Variants in INPP4A observed in about 807,000 individuals in gnomAD.
The protein encoded by INPP4A is inositol polyphosphate-4-phosphatase, type I, 107kD.
INPP4A carries 33 observed loss-of-function variants against 119.8 expected under a neutral mutation model. The ratio of observed to expected loss-of-function variants is 0.28; its 90% CI spans 0.21 to 0.37. The LOEUF (loss-of-function observed/expected upper bound fraction) is 0.37. INPP4A is among the 10% of genes least tolerant of loss of function. The pLI is 1.00. For synonymous variants in INPP4A, 496 were observed against 500.7 expected (o/e 0.99, Z 0.12); for missense variants, 956 against 1,289.9 (o/e 0.74, Z 3.97).
At chr2:98,586,974 G>C (rs926740448) in intron 24 of INPP4A, among the ~76,000 whole-genome samples, 1 of 152,228 alleles carries the variant, frequency 6.6e-6, no homozygotes, top group African/African-American at 2.4e-5. Context: ...TTCCTAGCCA[G>C]CTGGCTTTGC....
chr2:98,481,251 G>C (rs984513531), intron 1 of INPP4A, among the ~76,000 whole-genome samples: 2 of 152,204 alleles, frequency 1.3e-5, no homozygotes, highest in African/African-American at 4.8e-5. Flanking sequence ...AGGCCAGGAA[G>C]TGAACAGGAG....
In INPP4A at chr2:98,590,168, C is replaced by A; in HGVS notation, c.*2560C>A. 4.9e-6 allele frequency: 1 copy of A among 202,062 alleles called. No individual in the cohort carries two copies. Among genetic ancestry groups the A allele is most frequent in the Non-Finnish European group, 1.0e-5 (1 of 98,266 alleles). The allele number at this position is 202,062 out of a possible 1,614,324, so 12.5% of individuals were successfully genotyped here. A position where few individuals can be genotyped will look rare whatever the true frequency, so the allele number is the denominator to read the frequency against. Reference sequence around the variant, plus strand: ...GACAAGATATTAAATGTGGTCTTGCCTGATTCATCCTATTAGGAGGACTAG... The same window carrying A: ...GACAAGATATTAAATGTGGTCTTGCATGATTCATCCTATTAGGAGGACTAG... On this transcript the variant is annotated 3_prime_UTR_variant, in exon 25 of 25. Transcript: ENST00000409851.
chr2:98,564,040 C>T (rs763071284), intron 18 of INPP4A, among the ~76,000 whole-genome samples: 1 of 151,588 alleles, frequency 6.6e-6, no homozygotes, highest in Non-Finnish European at 1.5e-5. Context: ...CTTAGCTCTG[C>T]AGCTTGTTGC....
chr2:98,535,633 G>A (rs1690111087), intron 5 of INPP4A, 96 bp from the exon 6 acceptor site: 2 of 658,446 alleles, frequency 3.0e-6, no homozygotes, highest in Non-Finnish European at 5.4e-6. Context: ...CAGTGAGAAT[G>A]TTAGTTTCTC....
At chr2:98,490,981 A>G (rs1054699893) in intron 1 of INPP4A, among the ~76,000 whole-genome samples, 3 of 151,844 alleles carry the variant, frequency 2.0e-5, no homozygotes, top group African/African-American at 7.3e-5. Context: ...AATTTAAAAA[A>G]TTACAGTAGA....
chr2:98,494,843 A>C (rs1287533780), intron 1 of INPP4A, among the ~76,000 whole-genome samples: 1 of 152,244 alleles, frequency 6.6e-6, no homozygotes, highest in Non-Finnish European at 1.5e-5. Flanking sequence ...AAAACAATAG[A>C]GCAATCAGGC....
At chr2:98,577,667 T>C (rs1306844903) in intron 24 of INPP4A, among the ~76,000 whole-genome samples, 1 of 152,220 alleles carries the variant, frequency 6.6e-6, no homozygotes, top group East Asian at 1.9e-4. Flanking sequence ...AATGAGTGTT[T>C]TATCATGAGA....
intron 1 of INPP4A, among the ~76,000 whole-genome samples, chr2:98,484,853 C>T (rs557493640): frequency 4.6e-5 from 7 of 152,204 alleles, no homozygotes; most frequent in South Asian, 4.2e-4. Flanking sequence ...TCACATATGA[C>T]GGAGCCATTA....
chr2:98,553,523 GTCTC>G (rs1382340987), intron 14 of INPP4A, among the ~76,000 whole-genome samples: 8 of 151,954 alleles, frequency 5.3e-5, no homozygotes, highest in East Asian at 3.9e-4. Context: ...CCATTACTTG[GTCTC>G]TCTCTCAGCG....
intron 1 of INPP4A, among the ~76,000 whole-genome samples, chr2:98,452,082 T>C (rs1695330557): frequency 6.6e-6 from 1 of 152,146 alleles, no homozygotes; most frequent in African/African-American, 2.4e-5. Flanking sequence ...AGATGGTCGT[T>C]GGGGGCAGTG....
rs1048482559 is a variant in INPP4A at position 98,568,673 on chromosome 2, G to A, written c.2518+5G>A. The A allele has an allele frequency of 6.7e-7, 1 of 1,494,644 alleles. No homozygotes were observed. Among genetic ancestry groups the A allele is most frequent in the Non-Finnish European group, 9.3e-7 (1 of 1,080,174 alleles). The allele number at this position is 1,494,644 out of a possible 1,614,324, so 92.6% of individuals were successfully genotyped here. On this transcript the variant is annotated splice_donor_5th_base_variant and intron_variant, in intron 22 of 24. Transcript: ENST00000409851. The stretch of plus-strand genomic sequence containing the variant: ...AGGAAGTTTTGCCTGAGGATTGTAA[G>A]TATTTCTTCAGTCATGGTAGGTTTC...
In INPP4A at chr2:98,593,507, T is replaced by C. The variant is rs1700489146; in HGVS notation, c.*5899T>C. The C allele has an allele frequency of 6.6e-6, 1 of 152,240 alleles. No individual in the cohort carries two copies. Among genetic ancestry groups the C allele is most frequent in the Non-Finnish European group, 1.5e-5 (1 of 68,042 alleles). The allele number at this position is 152,240 out of a possible 1,614,324, so 9.4% of individuals were successfully genotyped here. On this transcript the variant is annotated 3_prime_UTR_variant, in exon 25 of 25. Transcript: ENST00000409851. Reference sequence around the variant, plus strand: ...CTTAAGATGATCTTCCTGAAAAATCTTACACATTCCTGTTGAACAAATGGT... The same window carrying C: ...CTTAAGATGATCTTCCTGAAAAATCCTACACATTCCTGTTGAACAAATGGT...
At chr2:98,577,249 C>G in intron 24 of INPP4A, 106 bp downstream of exon 24, 1 of 1,192,242 alleles carries the variant, frequency 8.4e-7, no homozygotes, top group Non-Finnish European at 1.1e-6. Flanking sequence ...GCATGAGCCC[C>G]TTGACTCCAG....
intron 1 of INPP4A, among the ~76,000 whole-genome samples, chr2:98,505,934 T>C (rs1683961050): frequency 6.6e-6 from 1 of 152,234 alleles, no homozygotes; most frequent in Admixed American, 6.5e-5. Context: ...AAACTTTATT[T>C]TTTAACTATT....
chr2:98,568,810 ACG>A, intron 22 of INPP4A, 142 bp downstream of exon 22: 1 of 624,610 alleles, frequency 1.6e-6, no homozygotes. Flanking sequence ...AAACACACAC[ACG>A]CAGAGAGAGA....
At chr2:98,538,774 G>A in intron 8 of INPP4A, 117 bp from the exon 9 acceptor site, 1 of 658,518 alleles carries the variant, frequency 1.5e-6, no homozygotes, top group Non-Finnish European at 2.8e-6. Flanking sequence ...TAGAGTTCAT[G>A]GTGGATATTC....
chr2:98,484,891 G>A (rs536684262), intron 1 of INPP4A, among the ~76,000 whole-genome samples: 1 of 152,052 alleles, frequency 6.6e-6, no homozygotes, highest in East Asian at 1.9e-4. Flanking sequence ...AGGCTTGTAG[G>A]CTGCTATTTA....
At chr2:98,562,264 G>C (rs1695626643) in intron 17 of INPP4A, among the ~76,000 whole-genome samples, 2 of 152,198 alleles carry the variant, frequency 1.3e-5, no homozygotes, top group Admixed American at 6.5e-5. Flanking sequence ...CTTTTGAGCT[G>C]CTACATATAC....
chr2:98,587,915 GT>G lies in INPP4A; in HGVS notation c.*310del. 1 of 258,448 alleles carries G rather than the reference GT, an allele frequency of 3.9e-6. No homozygotes were observed. The highest frequency in any genetic ancestry group is 7.3e-6 in the Non-Finnish European group (1 of 136,192). 16.0% of individuals were successfully genotyped at this position (258,448 alleles called of 1,614,324 possible). On this transcript the variant is annotated 3_prime_UTR_variant, in exon 25 of 25. Transcript: ENST00000409851. The stretch of plus-strand genomic sequence containing the variant: ...TAGTTACCTACATGAATCAAGCTAG[GT>G]TTGTCTGAAATGCTAGAAGACTTTT...
Sources: gnomAD v4.1 joint callset for allele counts (sites outside exome capture counted in the v4.1 genomes callset) on GRCh38, gnomAD v4.1.1 for gene constraint, MANE v1.5 for transcripts, NCBI Gene and HGNC (gene_info 2026-07-23, HGNC 2026-07-21) for gene names.